PALM2AKAP2: variants seen among roughly 807,000 people sequenced by gnomAD.
PALM2AKAP2 encodes PALM2-AKAP2 fusion protein.
In PALM2AKAP2, 37 loss-of-function variants were observed where a neutral mutation model predicts 71.5. The ratio of observed to expected loss-of-function variants is 0.52; its 90% CI spans 0.40 to 0.68. PALM2AKAP2 has a LOEUF of 0.68. Ranked by LOEUF, PALM2AKAP2 falls within the 30% of genes least tolerant of loss-of-function variation. The pLI, the probability that PALM2AKAP2 is intolerant of heterozygous loss-of-function variation, is 0.00. For synonymous variants in PALM2AKAP2, 468 were observed against 478.8 expected (o/e 0.98, Z 0.29); for missense variants, 1,224 against 1,191.8 (o/e 1.03, Z -0.40).
intron 1 of PALM2AKAP2, among the ~76,000 whole-genome samples, chr9:109,686,480 T>C (rs934021899): frequency 6.6e-6 from 1 of 152,200 alleles, no homozygotes; most frequent in African/African-American, 2.4e-5. Flanking sequence ...GGTGACCAGG[T>C]GCATTGTCAA....
intron 1 of PALM2AKAP2, among the ~76,000 whole-genome samples, chr9:109,759,854 G>A (rs1198327847): frequency 6.6e-6 from 1 of 152,112 alleles, no homozygotes; most frequent in Non-Finnish European, 1.5e-5. Flanking sequence ...CTAATGAAAG[G>A]CTCAAAGGTC....
intron 1 of PALM2AKAP2, among the ~76,000 whole-genome samples, chr9:110,061,746 C>T (rs1833970141): frequency 7.1e-6 from 1 of 140,030 alleles, no homozygotes; most frequent in African/African-American, 3.3e-5. Flanking sequence ...ACCATGTTGG[C>T]CAGGCTGGTC....
chr9:109,765,464 T>TCAC (rs1233640080), intron 1 of PALM2AKAP2: 1 of 51,730 alleles, frequency 1.9e-5, no homozygotes, highest in African/African-American at 2.2e-4. Context: ...ATCATCATGA[T>TCAC]CATGATCATG....
chr9:109,914,038 G>T (rs1830631966), intron 3 of PALM2AKAP2, among the ~76,000 whole-genome samples: 1 of 152,094 alleles, frequency 6.6e-6, no homozygotes, highest in Non-Finnish European at 1.5e-5. Flanking sequence ...TTACAGGCGT[G>T]AACCACCGCG....
chr9:109,755,641 C>T (rs1014432497), intron 1 of PALM2AKAP2, among the ~76,000 whole-genome samples: 10 of 152,052 alleles, frequency 6.6e-5, no homozygotes, highest in Admixed American at 2.0e-4. Flanking sequence ...CAGAGTGAAA[C>T]CTTGTCTCTC....
intron 1 of PALM2AKAP2, among the ~76,000 whole-genome samples, chr9:109,715,452 C>T (rs546689075): frequency 1.7e-3 from 258 of 152,286 alleles, no homozygotes; most frequent in African/African-American, 5.2e-3. Flanking sequence ...AGTCGTTCAA[C>T]GTTCCCTGCT....
intron 3 of PALM2AKAP2, among the ~76,000 whole-genome samples, chr9:110,163,643 G>A (rs1836660590): frequency 6.6e-6 from 1 of 152,142 alleles, no homozygotes; most frequent in South Asian, 2.1e-4. Context: ...TCATGTTGCA[G>A]TATCTTCTGC....
At chr9:109,788,721 T>C (rs556186301) in intron 1 of PALM2AKAP2, among the ~76,000 whole-genome samples, 5 of 152,188 alleles carry the variant, frequency 3.3e-5, no homozygotes, top group African/African-American at 1.2e-4. Flanking sequence ...AGAGGTGAAA[T>C]AGAATAAAAG....
chr9:109,667,433 C>T (rs749604279), intron 1 of PALM2AKAP2, among the ~76,000 whole-genome samples: 6 of 152,106 alleles, frequency 3.9e-5, no homozygotes, highest in Admixed American at 1.3e-4. Context: ...CACCAGAGGT[C>T]ATGGTTCAAT....
exon 4 of PALM2AKAP2, chr9:110,168,775 C>T (rs1210194614): frequency 2.8e-6 from 1 of 351,894 alleles, no homozygotes; most frequent in African/African-American, 2.1e-5. Context: ...TCCAAAAGGA[C>T]AAAACATGTT....
intron 1 of PALM2AKAP2, among the ~76,000 whole-genome samples, chr9:109,675,681 C>T (rs1306295413): frequency 6.6e-6 from 1 of 152,166 alleles, no homozygotes; most frequent in Non-Finnish European, 1.5e-5. Context: ...GCATCCCTAT[C>T]ATCATTGTTT....
At chr9:110,091,459 CTTTTTTT>C (rs66848294) in intron 1 of PALM2AKAP2, among the ~76,000 whole-genome samples, 1 of 83,656 alleles carries the variant, frequency 1.2e-5, no homozygotes, top group Non-Finnish European at 2.1e-5. Flanking sequence ...GAGATTTATT[CTTTTTTT>C]TTTTTTTTTT....
Position 109,660,945 on chromosome 9 carries a change from G to T in PALM2AKAP2, c.5+20079G>T, listed in dbSNP as rs145951186. Among the ~76,000 whole-genome samples the T allele has an allele frequency of 4.7e-3, 715 of 152,192 alleles. 9 individuals carry two copies. Among genetic ancestry groups the T allele is most frequent in the African/African-American group, 0.016 (681 of 41,524 alleles). On this transcript the variant is annotated intron_variant, in intron 1 of 6. Coordinates refer to the PALM2AKAP2 transcript ENST00000374531. Reference sequence around the variant, plus strand: ...ATGATGAGCATTTTTTCATGGGTCTGTTGGCTGCATAGATGTCTTCCTTTG... The same window carrying T: ...ATGATGAGCATTTTTTCATGGGTCTTTTGGCTGCATAGATGTCTTCCTTTG...
At chr9:109,751,859 A>C (rs767445540) in intron 1 of PALM2AKAP2, among the ~76,000 whole-genome samples, 1 of 152,124 alleles carries the variant, frequency 6.6e-6, no homozygotes, top group Non-Finnish European at 1.5e-5. Context: ...GGCCTGAGGG[A>C]ATATGGGGAG....
In PALM2AKAP2 at chr9:109,782,909, ACTCT is replaced by A. The variant is rs1181325329; in HGVS notation, c.45+2380_45+2383del. ...ACTCTTCTGAATTCTGCAAACCCTG[ACTCT>A]CTCATCACTTTCCTGGAGTTCTCAG... On this transcript the variant is annotated intron_variant, in intron 1 of 9. Coordinates refer to the PALM2AKAP2 transcript ENST00000302798. Among the ~76,000 whole-genome samples the A allele has an allele frequency of 2.0e-5, 3 of 151,372 alleles. No homozygotes were observed. In the East Asian group the frequency reaches 5.8e-4, roughly 29 times the overall value.
At chr9:109,833,329 T>C (rs767018580) in intron 1 of PALM2AKAP2, among the ~76,000 whole-genome samples, 127 of 152,272 alleles carry the variant, frequency 8.3e-4, no homozygotes, top group Non-Finnish European at 1.5e-3. Flanking sequence ...CACTCCAGCC[T>C]GGGCGACAGA....
intron 1 of PALM2AKAP2, among the ~76,000 whole-genome samples, chr9:109,733,258 G>T (rs984405038): frequency 2.0e-5 from 3 of 152,168 alleles, no homozygotes; most frequent in Admixed American, 1.3e-4. Context: ...GGTCAAAGAG[G>T]GTCGTTGGGG....
intron 1 of PALM2AKAP2, among the ~76,000 whole-genome samples, chr9:109,702,416 A>G (rs1277589943): frequency 6.6e-6 from 1 of 152,250 alleles, no homozygotes; most frequent in Non-Finnish European, 1.5e-5. Context: ...GCTGCCATAA[A>G]AAAGGATGAG....
chr9:110,135,817 CA>C, intron 1 of PALM2AKAP2, among the ~76,000 whole-genome samples: 1 of 152,266 alleles, frequency 6.6e-6, no homozygotes, highest in East Asian at 1.9e-4. Context: ...GCACAGCCTG[CA>C]ATCATTTGCC....
Sources: gnomAD v4.1 joint callset for allele counts (sites outside exome capture counted in the v4.1 genomes callset) on GRCh38, gnomAD v4.1.1 for gene constraint, MANE v1.5 for transcripts, NCBI Gene and HGNC (gene_info 2026-07-23, HGNC 2026-07-21) for gene names.